Variants in IMMP2L observed in about 807,000 individuals in gnomAD.
IMMP2L encodes the protein mitochondrial inner membrane protease subunit 2.
In IMMP2L, 18 loss-of-function variants were observed where a neutral mutation model predicts 19.3. The observed-to-expected ratio is 0.93, with a 90% confidence interval of 0.64 to 1.38. The LOEUF (loss-of-function observed/expected upper bound fraction) is 1.38. Among genes scored for constraint, IMMP2L ranks in the 40% most tolerant of loss-of-function variants. The pLI is 0.00. For missense variants in IMMP2L, 233 were observed against 218.2 expected (o/e 1.07, Z -0.43); for synonymous variants, 76 against 73.0 (o/e 1.04, Z -0.21).
intron 3 of IMMP2L, chr7:111,411,510 A>G: frequency 6.9e-6 from 3 of 433,088 alleles, no homozygotes; most frequent in South Asian, 5.4e-5. Context: ...ATTATGGAGA[A>G]CTGCTTCATT....
intron 3 of IMMP2L, among the ~76,000 whole-genome samples, chr7:111,252,641 C>T (rs991182653): frequency 2.0e-5 from 3 of 152,116 alleles, no homozygotes; most frequent in African/African-American, 7.2e-5. Context: ...GAAGCCAACA[C>T]TAAATCGGGG....
chr7:111,126,322 C>G (rs1383006067), intron 3 of IMMP2L, among the ~76,000 whole-genome samples: 1 of 152,028 alleles, frequency 6.6e-6, no homozygotes, highest in Non-Finnish European at 1.5e-5. Flanking sequence ...TAAAATTACA[C>G]CATAAAACAT....
In IMMP2L at chr7:111,137,251, G is replaced by A. The variant is rs182615115; in HGVS notation, c.240-173686C>T. ...CAGAAATAAAGTACGCTTTATTTAC[G>A]AGAAGACTCATTCTATATTCAATTT... is the stretch of plus-strand genomic sequence containing the variant. On this transcript the variant is annotated intron_variant, in intron 3 of 5. Transcript: ENST00000405709. 1.2e-4 allele frequency among the ~76,000 whole-genome samples: 19 copies of A among 152,166 alleles called. No homozygotes were observed. The South Asian group carries it at 1.5e-3, about 12-fold the overall frequency.
chr7:111,229,996 A>G (rs1363962073), intron 3 of IMMP2L, among the ~76,000 whole-genome samples: 1 of 152,022 alleles, frequency 6.6e-6, no homozygotes, highest in African/African-American at 2.4e-5. Flanking sequence ...GGGCTAGCAT[A>G]TGGTTTATTT....
intron 2 of IMMP2L, among the ~76,000 whole-genome samples, chr7:111,511,762 T>C (rs1332823053): frequency 1.3e-5 from 2 of 151,786 alleles, no homozygotes; most frequent in Non-Finnish European, 1.5e-5. Context: ...CCTAATCCAG[T>C]CAAACATCAA....
intron 2 of IMMP2L, among the ~76,000 whole-genome samples, chr7:111,506,691 G>A (rs1013796087): frequency 2.6e-5 from 4 of 151,054 alleles, no homozygotes; most frequent in Admixed American, 6.6e-5. Flanking sequence ...CACCACGCCC[G>A]ACCCTTAATT....
intron 5 of IMMP2L, among the ~76,000 whole-genome samples, chr7:110,668,737 T>C (rs1315156878): frequency 1.3e-5 from 2 of 152,194 alleles, no homozygotes; most frequent in Admixed American, 6.5e-5. Context: ...AACATCAATA[T>C]TGCTTCAAAA....
intron 3 of IMMP2L, among the ~76,000 whole-genome samples, chr7:111,376,024 G>T (rs1365306459): frequency 6.6e-6 from 1 of 152,002 alleles, no homozygotes; most frequent in Non-Finnish European, 1.5e-5. Flanking sequence ...AAATGACCTG[G>T]ATTCAAATCC....
intron 2 of IMMP2L, among the ~76,000 whole-genome samples, chr7:111,495,487 CA>C (rs1843508422): frequency 6.6e-6 from 1 of 152,134 alleles, no homozygotes; most frequent in South Asian, 2.1e-4. Flanking sequence ...TTTCTCTGAT[CA>C]AAGACTATGC....
At position 111,464,741 on chromosome 7, in the gene IMMP2L, T is replaced by C. The variant is rs138285976; in HGVS notation, c.239+22497A>G. On this transcript the variant is annotated intron_variant, in intron 3 of 5. Coordinates refer to ENST00000405709, the MANE Select transcript of IMMP2L (RefSeq NM_032549.4). ...TTTTACACGGACCCTACCCAACCAA[T>C]CAAATGTATGCTGGGAATATACAAA... Among the ~76,000 whole-genome samples the C allele has an allele frequency of 7.8e-4, 119 of 152,186 alleles. 1 individual carries two copies. The highest frequency in any genetic ancestry group is 2.8e-3 in the African/African-American group (115 of 41,526).
chr7:111,410,519 GA>G (rs969966571), intron 3 of IMMP2L, among the ~76,000 whole-genome samples: 4 of 146,940 alleles, frequency 2.7e-5, no homozygotes, highest in Admixed American at 1.4e-4. Flanking sequence ...GCCTAACAGT[GA>G]AAAAAAAAAT....
chr7:110,770,254 C>A (rs907514253), intron 5 of IMMP2L, among the ~76,000 whole-genome samples: 1 of 152,104 alleles, frequency 6.6e-6, no homozygotes. Flanking sequence ...TCCCTTACGA[C>A]GAATGTGAAG....
intron 3 of IMMP2L, among the ~76,000 whole-genome samples, chr7:111,292,933 G>A (rs1213894777): frequency 6.6e-6 from 1 of 151,932 alleles, no homozygotes; most frequent in Non-Finnish European, 1.5e-5. Context: ...AAGGCCAAGA[G>A]AGCTCATTCC....
rs370188384 is a variant in IMMP2L, at chr7:111,398,443, T to C, written c.239+88795A>G. Among the ~76,000 whole-genome samples, 304 of 152,220 alleles carry C rather than the reference T, an allele frequency of 2.0e-3. 4 individuals are homozygous for C. The highest frequency in any genetic ancestry group is 3.4e-3 in the Middle Eastern group (1 of 294). ...CAGCATCCGTTTATGATTAAAACTT[T>C]CAGCAAAAATCGACATACAAGGGAC... is the stretch of plus-strand genomic sequence containing the variant. On this transcript the variant is annotated intron_variant, in intron 3 of 5. Coordinates refer to ENST00000405709, the MANE Select transcript of IMMP2L (RefSeq NM_032549.4).
intron 5 of IMMP2L, among the ~76,000 whole-genome samples, chr7:110,812,164 T>G (rs1414684934): frequency 1.3e-5 from 2 of 152,080 alleles, no homozygotes; most frequent in African/African-American, 2.4e-5. Flanking sequence ...GAAGTGAATC[T>G]CTTTTACTCA....
chr7:111,124,235 C>T (rs750291309), intron 3 of IMMP2L: 2 of 1,613,868 alleles, frequency 1.2e-6, no homozygotes, highest in Non-Finnish European at 1.7e-6. Context: ...GGCGTAACTC[C>T]CAAAGAAGGG....
intron 3 of IMMP2L, among the ~76,000 whole-genome samples, chr7:111,010,584 T>C (rs1824835115): frequency 1.3e-5 from 2 of 152,116 alleles, no homozygotes; most frequent in African/African-American, 4.8e-5. Flanking sequence ...TTACTACTGA[T>C]CACAGTTTAC....
At chr7:111,362,114 A>T (rs1277804213) in intron 3 of IMMP2L, among the ~76,000 whole-genome samples, 1 of 152,040 alleles carries the variant, frequency 6.6e-6, no homozygotes, top group East Asian at 1.9e-4. Context: ...CTTCCACAGT[A>T]ATCTGATATA....
intron 4 of IMMP2L, among the ~76,000 whole-genome samples, chr7:110,957,754 T>C (rs1818503423): frequency 1.3e-5 from 2 of 151,972 alleles, no homozygotes; most frequent in Non-Finnish European, 2.9e-5. Flanking sequence ...GAGATTAGTA[T>C]GACTCTTTCC....
Sources: gnomAD v4.1 joint callset for allele counts (sites outside exome capture counted in the v4.1 genomes callset) on GRCh38, gnomAD v4.1.1 for gene constraint, MANE v1.5 for transcripts, NCBI Gene and HGNC (gene_info 2026-07-23, HGNC 2026-07-21) for gene names.